The following ABCB1 variants were observed in gnomAD, a reference collection of about 807,000 sequenced individuals.
The protein encoded by ABCB1 is ATP binding cassette subfamily B member 1, also known as ATP-dependent translocase ABCB1.
Under a neutral mutation model 142.0 loss-of-function variants are expected in ABCB1, and 69 were observed. The observed-to-expected ratio is 0.49, with a 90% confidence interval of 0.40 to 0.59. The LOEUF (loss-of-function observed/expected upper bound fraction) is 0.59. Ranked by LOEUF, ABCB1 falls within the 20% of genes least tolerant of loss-of-function variation. The pLI is 0.00. For missense variants in ABCB1, 1,326 were observed against 1,554.7 expected, an observed-to-expected ratio of 0.85 and a Z score of 2.47; for synonymous variants, 532 against 539.2, an observed-to-expected ratio of 0.99 and a Z score of 0.18.
chr7:87,549,843 C>A lies in ABCB1; in HGVS notation c.1554+8G>T. On this transcript the variant is annotated splice_region_variant and intron_variant, in intron 13 of 27. Transcript: ENST00000622132. ...CCTCTAGAAAGGCAAAGGGCAAGGA[C>A]AACTTACATGAGGCAGTTTCATGAT... 1 of 1,614,084 alleles carries A rather than the reference C, an allele frequency of 6.2e-7. No individual in the cohort carries two copies. The highest frequency in any genetic ancestry group is 8.5e-7 in the Non-Finnish European group (1 of 1,179,974).
At chr7:87,522,755 T>A (rs1348733248) in intron 21 of ABCB1, among the ~76,000 whole-genome samples, 27 of 150,988 alleles carry the variant, frequency 1.8e-4, no homozygotes, top group Non-Finnish European at 2.9e-4. Flanking sequence ...GTCCTTTTTT[T>A]TAAAAAAAAA....
At chr7:87,678,004 G>A (rs936985760) in intron 1 of ABCB1, among the ~76,000 whole-genome samples, 2 of 152,114 alleles carry the variant, frequency 1.3e-5, no homozygotes, top group Admixed American at 6.6e-5. Flanking sequence ...GGAAAACTAA[G>A]AATTATTACT....
chr7:87,545,531 A>G (rs1816738792), intron 15 of ABCB1, among the ~76,000 whole-genome samples: 1 of 152,186 alleles, frequency 6.6e-6, no homozygotes, highest in Non-Finnish European at 1.5e-5. Flanking sequence ...TTTTGTACTA[A>G]GTCTTCAGAA....
At chr7:87,536,636 T>C in intron 19 of ABCB1, 95 bp from the exon 20 acceptor site, 1 of 1,030,410 alleles carries the variant, frequency 9.7e-7, no homozygotes, top group East Asian at 2.4e-5. Context: ...TTTATACTTA[T>C]ACCCCCTGCA....
intron 1 of ABCB1, among the ~76,000 whole-genome samples, chr7:87,705,886 A>G (rs1829539939): frequency 6.6e-6 from 1 of 152,112 alleles, no homozygotes; most frequent in African/African-American, 2.4e-5. Context: ...TGATATTCCA[A>G]CTGATTTCAA....
intron 4 of ABCB1, among the ~76,000 whole-genome samples, chr7:87,580,189 T>C (rs1818451419): frequency 6.6e-6 from 1 of 152,204 alleles, no homozygotes; most frequent in African/African-American, 2.4e-5. Context: ...CATCATTTTC[T>C]TTCTGATTAA....
At chr7:87,689,703 A>G (rs541681310) in intron 1 of ABCB1, among the ~76,000 whole-genome samples, 6 of 152,274 alleles carry the variant, frequency 3.9e-5, no homozygotes, top group Admixed American at 1.3e-4. Context: ...TAATAATCCC[A>G]GTTCCTACAT....
At chr7:87,504,818 A>T (rs1457733279) in intron 27 of ABCB1, among the ~76,000 whole-genome samples, 4 of 147,890 alleles carry the variant, frequency 2.7e-5, no homozygotes, top group Admixed American at 1.3e-4. Context: ...GAAAAAAAAA[A>T]AAAAAAGCTC....
Position 87,550,815 on chromosome 7 carries a change from C to G in ABCB1, c.1023G>C (p.Gly341=). 1 of 1,612,342 alleles carries G rather than the reference C, an allele frequency of 6.2e-7. No homozygotes were observed. The highest frequency in any genetic ancestry group is 8.5e-7 in the Non-Finnish European group (1 of 1,178,498). Residue 341 remains glycine, a synonymous_variant, in exon 10 of 28, where the codon GGG becomes GGC. Transcript: ENST00000622132. The part of the protein sequence containing the change: ...VLTVFFSVLI[G]AFSVGQASPS... Reference sequence around the variant, plus strand: ...GAGATGCCTGTCCAACACTAAAAGCCCCAATTAATACAGAAAAGAATACCT... The same window carrying G: ...GAGATGCCTGTCCAACACTAAAAGCGCCAATTAATACAGAAAAGAATACCT...
chr7:87,640,355 A>T (rs1469760195), intron 1 of ABCB1, among the ~76,000 whole-genome samples: 1 of 150,886 alleles, frequency 6.6e-6, no homozygotes, highest in Non-Finnish European at 1.5e-5. Context: ...TTTACTTTTT[A>T]TTTTTATTTT....
chr7:87,691,000 T>TA (rs1483080405), intron 1 of ABCB1, among the ~76,000 whole-genome samples: 2 of 152,124 alleles, frequency 1.3e-5, no homozygotes, highest in East Asian at 3.8e-4. Context: ...GCATAAGTGT[T>TA]AAAATTCATC....
intron 1 of ABCB1, chr7:87,628,881 G>T (rs369026321): frequency 2.3e-6 from 3 of 1,295,896 alleles, no homozygotes; most frequent in Middle Eastern, 2.1e-4. Flanking sequence ...CGGCGGAGGC[G>T]GCAAGAAAAG....
intron 1 of ABCB1, among the ~76,000 whole-genome samples, chr7:87,633,045 G>C (rs1821387552): frequency 6.6e-6 from 1 of 152,100 alleles, no homozygotes; most frequent in African/African-American, 2.4e-5. Context: ...AATAGTCTTA[G>C]TTTTCTATAG....
chr7:87,529,565 G>A (rs974088918), intron 21 of ABCB1, among the ~76,000 whole-genome samples: 4 of 152,128 alleles, frequency 2.6e-5, no homozygotes, highest in Non-Finnish European at 5.9e-5. Context: ...AGAACTCCAA[G>A]AGTCTTAAAT....
At chr7:87,563,984 AG>A (rs150228302) in intron 7 of ABCB1, among the ~76,000 whole-genome samples, 15,348 of 152,128 alleles carry the variant, frequency 0.1, 1,103 homozygotes, top group African/African-American at 0.2. Flanking sequence ...GGATACATAG[AG>A]GGGAACAACA....
intron 1 of ABCB1, among the ~76,000 whole-genome samples, chr7:87,613,404 A>G (rs978790262): frequency 4.6e-5 from 7 of 151,874 alleles, no homozygotes; most frequent in Admixed American, 3.3e-4. Context: ...CCAAAAAGAC[A>G]TATGTGCTTA....
At chr7:87,684,439 A>ATGCAGTAAT (rs1827237022) in intron 1 of ABCB1, among the ~76,000 whole-genome samples, 1 of 152,198 alleles carries the variant, frequency 6.6e-6, no homozygotes, top group African/African-American at 2.4e-5. Flanking sequence ...TACTGTTAAG[A>ATGCAGTAAT]TGCAGTAATC....
chr7:87,700,486 C>T lies in ABCB1; in HGVS notation c.-331+12675G>A, dbSNP rs563701368. On this transcript the variant is annotated intron_variant, in intron 1 of 28. Coordinates refer to the ABCB1 transcript ENST00000265724. ...CTGGGACTATATCAGAGTGGCTTGCCGGAAAGTTTCACAGAATTGTATCTG... is the reference window on the plus strand; with the variant it reads ...CTGGGACTATATCAGAGTGGCTTGCTGGAAAGTTTCACAGAATTGTATCTG... 3.6e-5 allele frequency: 58 copies of T among 1,613,156 alleles called. No homozygotes were observed. The Admixed American group carries it at 3.8e-4, about 11-fold the overall frequency.
At chr7:87,523,702 C>A (rs1815644659) in intron 21 of ABCB1, among the ~76,000 whole-genome samples, 1 of 152,116 alleles carries the variant, frequency 6.6e-6, no homozygotes, top group Non-Finnish European at 1.5e-5. Context: ...AAACATACAT[C>A]CTTCATCACC....
Sources: gnomAD v4.1 joint callset for allele counts (sites outside exome capture counted in the v4.1 genomes callset) on GRCh38, gnomAD v4.1.1 for gene constraint, MANE v1.5 for transcripts, NCBI Gene and HGNC (gene_info 2026-07-23, HGNC 2026-07-21) for gene names.